Variants in PCDHA3 observed in about 807,000 individuals in gnomAD.
PCDHA3 encodes protocadherin alpha-3.
PCDHA3 carries 41 observed loss-of-function variants against 62.2 expected under a neutral mutation model. The observed-to-expected ratio is 0.66, with a 90% CI of 0.51 to 0.86. The LOEUF is 0.86. PCDHA3 is among the 40% of genes least tolerant of loss of function. The pLI is 0.00. For missense variants in PCDHA3, 1,304 were observed against 1,241.2 expected, an observed-to-expected ratio of 1.05 and a Z score of -0.76; for synonymous variants, 640 against 555.4, an observed-to-expected ratio of 1.15 and a Z score of -2.14.
At chr5:140,870,070 G>T (rs1554163779) in intron 1 of PCDHA3, 1 of 1,613,880 alleles carries the variant, frequency 6.2e-7, no homozygotes, top group Admixed American at 1.7e-5. Flanking sequence ...ACAGGCTACA[G>T]ATAAGGGGAC....
At chr5:140,962,840 T>C (rs1554226297) in intron 1 of PCDHA3, among the ~76,000 whole-genome samples, 6 of 152,348 alleles carry the variant, frequency 3.9e-5, no homozygotes, top group African/African-American at 2.4e-5. Context: ...TTTTTTATTA[T>C]ATAACTTGTG....
At chr5:141,009,255 G>A (rs2098403504) in intron 3 of PCDHA3, among the ~76,000 whole-genome samples, 1 of 152,162 alleles carries the variant, frequency 6.6e-6, no homozygotes. Context: ...CAGTGTTTGA[G>A]ACCAGCCTGG....
At chr5:140,848,285 C>T in intron 1 of PCDHA3, 1 of 617,022 alleles carries the variant, frequency 1.6e-6, no homozygotes. Flanking sequence ...TGTACTTACA[C>T]TTTGGGCCAC....
At chr5:140,902,687 T>C (rs552973135) in intron 1 of PCDHA3, among the ~76,000 whole-genome samples, 184 of 152,262 alleles carry the variant, frequency 1.2e-3, no homozygotes, top group African/African-American at 4.2e-3. Context: ...GTACCTAATA[T>C]GTGTAGTCTT....
intron 1 of PCDHA3, among the ~76,000 whole-genome samples, chr5:140,914,821 A>G (rs1046692794): frequency 6.6e-6 from 1 of 152,212 alleles, no homozygotes; most frequent in Non-Finnish European, 1.5e-5. Flanking sequence ...AACAGACTGC[A>G]TAAACAAAAA....
At chr5:140,884,205 G>T (rs1554181325) in intron 1 of PCDHA3, 3 of 1,613,490 alleles carry the variant, frequency 1.9e-6, no homozygotes, top group East Asian at 4.5e-5. Context: ...CCGCACCACC[G>T]CCTTCTGGTG....
At position 140,843,553 on chromosome 5, in the gene PCDHA3, G is replaced by A. The variant is rs1275122592; in HGVS notation, c.2394+39962G>A. On this transcript the variant is annotated intron_variant, in intron 1 of 3. Coordinates refer to ENST00000522353, the MANE Select transcript of PCDHA3 (RefSeq NM_018906.3). ...AGCCCACTCTGGTGTGCTCCAGTGC[G>A]GTGGGGAGCTGGTCATACTCGCAAC... 15 of 1,595,808 alleles carry A rather than the reference G, an allele frequency of 9.4e-6. 2 individuals carry two copies. The highest frequency in any genetic ancestry group is 2.2e-5 in the South Asian group (2 of 90,502).
chr5:140,928,834 T>G, intron 1 of PCDHA3: 3 of 1,614,178 alleles, frequency 1.9e-6, no homozygotes, highest in Non-Finnish European at 2.5e-6. Flanking sequence ...ACCACTTTCC[T>G]CCTCTGTCAC....
intron 1 of PCDHA3, among the ~76,000 whole-genome samples, chr5:140,973,570 T>C (rs1211629419): frequency 6.6e-6 from 1 of 152,232 alleles, no homozygotes; most frequent in Non-Finnish European, 1.5e-5. Flanking sequence ...CCTCAATTTT[T>C]CTACAGACTG....
chr5:140,829,963 G>A (rs201706795), intron 1 of PCDHA3: 190 of 1,613,888 alleles, frequency 1.2e-4, no homozygotes, highest in Non-Finnish European at 5.3e-5. Flanking sequence ...CGTTTCGCGT[G>A]GGGCTGTACA....
chr5:140,873,098 T>C (rs1281569389), intron 1 of PCDHA3, among the ~76,000 whole-genome samples: 1 of 152,200 alleles, frequency 6.6e-6, no homozygotes, highest in Non-Finnish European at 1.5e-5. Flanking sequence ...TATAGAGGCA[T>C]AACATACCAT....
At chr5:140,824,610 G>GTTTTTTTTTGT (rs1768200307) in intron 1 of PCDHA3, 1 of 95,104 alleles carries the variant, frequency 1.1e-5, no homozygotes, top group Non-Finnish European at 1.9e-5. Context: ...GCTAATTAAA[G>GTTTTTTTTTGT]TTTTTTTTTT....
At chr5:140,953,127 G>T (rs909395659) in intron 1 of PCDHA3, among the ~76,000 whole-genome samples, 8 of 152,178 alleles carry the variant, frequency 5.3e-5, no homozygotes, top group African/African-American at 1.4e-4. Flanking sequence ...GATCTAAACC[G>T]TATCACTGTT....
chr5:140,928,719 T>C (rs1554206226), intron 1 of PCDHA3: 31 of 1,614,044 alleles, frequency 1.9e-5, no homozygotes, highest in Non-Finnish European at 2.5e-5. Flanking sequence ...CTAGTCTCTT[T>C]AGAATTTCAG....
At chr5:140,808,591 C>T (rs1554124643) in intron 1 of PCDHA3, 1 of 1,613,990 alleles carries the variant, frequency 6.2e-7, no homozygotes. Context: ...AGGAGAACAA[C>T]CCGCCGGGCT....
At chr5:140,806,506 TC>T (rs1763743813) in intron 1 of PCDHA3, among the ~76,000 whole-genome samples, 2 of 152,220 alleles carry the variant, frequency 1.3e-5, no homozygotes, top group Admixed American at 1.3e-4. Context: ...AAGGAAGACA[TC>T]TAATTAAATG....
chr5:140,835,687 T>G (rs1773843865), intron 1 of PCDHA3: 1 of 1,613,786 alleles, frequency 6.2e-7, no homozygotes, highest in Admixed American at 1.7e-5. Context: ...TCGCCTTCTC[T>G]GTGGGCCACT....
chr5:140,930,377 T>C (rs1480359985), intron 1 of PCDHA3: 1 of 152,198 alleles, frequency 6.6e-6, no homozygotes, highest in Non-Finnish European at 1.5e-5. Flanking sequence ...TAGTGGCCCT[T>C]GGCATTTCAA....
intron 1 of PCDHA3, chr5:140,830,193 T>G: frequency 6.2e-7 from 1 of 1,613,664 alleles, no homozygotes; most frequent in Non-Finnish European, 8.5e-7. Flanking sequence ...GTGTACCTGA[T>G]CATCGCCATC....
Sources: gnomAD v4.1 joint callset for allele counts (sites outside exome capture counted in the v4.1 genomes callset) on GRCh38, gnomAD v4.1.1 for gene constraint, MANE v1.5 for transcripts, NCBI Gene and HGNC (gene_info 2026-07-23, HGNC 2026-07-21) for gene names.